The following PSD3 variants were observed in gnomAD, a reference collection of about 807,000 sequenced individuals.
The protein encoded by PSD3 is PH and SEC7 domain-containing protein 3.
In PSD3, 49 loss-of-function variants were observed where a neutral mutation model predicts 105.5. That is an observed-to-expected ratio of 0.46 (90% CI 0.37 to 0.59). The LOEUF is 0.59. Ranked by LOEUF, PSD3 falls within the 20% of genes least tolerant of loss-of-function variation. The pLI, the probability that PSD3 is intolerant of heterozygous loss-of-function variation, is 0.00. For missense variants in PSD3, 1,561 were observed against 1,263.8 expected (o/e 1.24, Z -3.57); for synonymous variants, 557 against 457.8 (o/e 1.22, Z -2.77).
chr8:19,026,299 T>C (rs1003794880), intron 1 of PSD3, among the ~76,000 whole-genome samples: 6 of 152,214 alleles, frequency 3.9e-5, no homozygotes, highest in Non-Finnish European at 7.3e-5. Flanking sequence ...AAGGATGGCC[T>C]TTTTGACTGC....
intron 9 of PSD3, among the ~76,000 whole-genome samples, chr8:18,670,116 G>A (rs114037162): frequency 0.035 from 5,359 of 152,216 alleles, 322 homozygotes; most frequent in African/African-American, 0.12. Flanking sequence ...AAGAGTAGCC[G>A]TAGCCTGGAT....
At chr8:19,019,323 A>G (rs1471325632) in intron 1 of PSD3, among the ~76,000 whole-genome samples, 1 of 152,354 alleles carries the variant, frequency 6.6e-6, no homozygotes, top group East Asian at 1.9e-4. Context: ...AAAGAAAAAA[A>G]CTAAGTATTT....
intron 4 of PSD3, among the ~76,000 whole-genome samples, chr8:18,839,323 T>C (rs1814415962): frequency 6.6e-6 from 1 of 152,208 alleles, no homozygotes. Flanking sequence ...TGAATGTTTC[T>C]ATGTTTTTAT....
chr8:18,768,865 C>T (rs1807251141), intron 8 of PSD3, among the ~76,000 whole-genome samples: 1 of 152,024 alleles, frequency 6.6e-6, no homozygotes. Flanking sequence ...GTATGAAACA[C>T]TGAAAAAAAT....
At chr8:18,641,314 G>A (rs989881583) in intron 10 of PSD3, among the ~76,000 whole-genome samples, 2 of 152,184 alleles carry the variant, frequency 1.3e-5, no homozygotes, top group Non-Finnish European at 2.9e-5. Context: ...AGGGCCAGCT[G>A]AGTAGTGATG....
chr8:18,640,916 G>A (rs1239559489), intron 10 of PSD3, among the ~76,000 whole-genome samples: 1 of 152,144 alleles, frequency 6.6e-6, no homozygotes, highest in African/African-American at 2.4e-5. Flanking sequence ...ACCCAGTGGG[G>A]CAGAGCTCAC....
intron 4 of PSD3, among the ~76,000 whole-genome samples, chr8:18,841,269 C>A (rs889779420): frequency 6.6e-6 from 1 of 152,004 alleles, no homozygotes; most frequent in African/African-American, 2.4e-5. Flanking sequence ...TCAGGCACTG[C>A]GTGGAAAAAA....
intron 1 of PSD3, among the ~76,000 whole-genome samples, chr8:18,951,568 A>C (rs1016234525): frequency 1.3e-5 from 2 of 152,206 alleles, no homozygotes; most frequent in African/African-American, 4.8e-5. Flanking sequence ...TGGCTTCTTG[A>C]GGGTATTTTA....
chr8:18,624,176 T>C (rs1412960508), intron 11 of PSD3, among the ~76,000 whole-genome samples: 1 of 152,110 alleles, frequency 6.6e-6, no homozygotes, highest in Non-Finnish European at 1.5e-5. Context: ...TCCAACTTTA[T>C]TATTGCCAAC....
At chr8:18,552,299 G>GT (rs1444985142) in intron 15 of PSD3, among the ~76,000 whole-genome samples, 1 of 152,186 alleles carries the variant, frequency 6.6e-6, no homozygotes, top group African/African-American at 2.4e-5. Flanking sequence ...TAAGGAGTAT[G>GT]TTAACATCTG....
At chr8:18,726,476 C>T (rs976815083) in intron 9 of PSD3, among the ~76,000 whole-genome samples, 8 of 152,296 alleles carry the variant, frequency 5.3e-5, no homozygotes, top group East Asian at 1.9e-4. Context: ...ATAATCATTA[C>T]GTTATTATAT....
chr8:18,997,197 T>A (rs1489425560), intron 1 of PSD3, among the ~76,000 whole-genome samples: 1 of 151,856 alleles, frequency 6.6e-6, no homozygotes, highest in East Asian at 1.9e-4. Flanking sequence ...TCCTCTGTAA[T>A]CCAGATAAAT....
intron 9 of PSD3, among the ~76,000 whole-genome samples, chr8:18,724,190 C>T (rs536952712): frequency 2.5e-4 from 38 of 152,046 alleles, no homozygotes; most frequent in Non-Finnish European, 4.9e-4. Context: ...AGCATCAGGA[C>T]GAGTAGAGGG....
chr8:18,847,158 C>A (rs1331339988), intron 4 of PSD3, among the ~76,000 whole-genome samples: 4 of 152,162 alleles, frequency 2.6e-5, no homozygotes, highest in Non-Finnish European at 5.9e-5. Context: ...AACCAGGCCC[C>A]TCTGAAAAGG....
intron 11 of PSD3, among the ~76,000 whole-genome samples, chr8:18,627,366 C>T (rs949720062): frequency 7.9e-5 from 12 of 151,978 alleles, no homozygotes; most frequent in African/African-American, 2.9e-4. Context: ...GTTCTGAAGA[C>T]CTGCAGAGGA....
intron 9 of PSD3, among the ~76,000 whole-genome samples, chr8:18,706,160 G>T (rs770226696): frequency 3.3e-5 from 5 of 152,158 alleles, no homozygotes; most frequent in Non-Finnish European, 5.9e-5. Context: ...ACGAGAAGAC[G>T]CTTAGAGCAG....
intron 11 of PSD3, among the ~76,000 whole-genome samples, chr8:18,613,303 G>A (rs1257205488): frequency 6.6e-6 from 1 of 152,112 alleles, no homozygotes; most frequent in Non-Finnish European, 1.5e-5. Flanking sequence ...TGCACATTGG[G>A]AGGAGGGGGT....
intron 1 of PSD3, among the ~76,000 whole-genome samples, chr8:18,995,862 G>C (rs998380985): frequency 6.6e-6 from 1 of 151,894 alleles, no homozygotes; most frequent in African/African-American, 2.4e-5. Flanking sequence ...CCTCCCACCA[G>C]GTCCCTCCCA....
intron 8 of PSD3, among the ~76,000 whole-genome samples, chr8:18,798,413 C>A (rs974967641): frequency 2.0e-5 from 3 of 152,114 alleles, no homozygotes; most frequent in African/African-American, 7.2e-5. Flanking sequence ...TGAACCCCTT[C>A]CTCTTATAAC....
Sources: gnomAD v4.1 joint callset for allele counts (sites outside exome capture counted in the v4.1 genomes callset) on GRCh38, gnomAD v4.1.1 for gene constraint, MANE v1.5 for transcripts, NCBI Gene and HGNC (gene_info 2026-07-23, HGNC 2026-07-21) for gene names.